The following KIAA1217 variants were observed in gnomAD, a reference collection of about 807,000 sequenced individuals.
KIAA1217 encodes sickle tail protein homolog.
Under a neutral mutation model 163.9 loss-of-function variants are expected in KIAA1217, and 88 were observed. The ratio of observed to expected loss-of-function variants is 0.54; its 90% CI spans 0.45 to 0.64. The LOEUF is 0.64. Among genes scored for constraint, KIAA1217 ranks in the 30% least tolerant of loss-of-function variants. KIAA1217 has a pLI of 0.00. For missense variants in KIAA1217, 2,372 were observed against 2,475.0 expected (o/e 0.96, Z 0.88); for synonymous variants, 903 against 923.1 (o/e 0.98, Z 0.39).
At chr10:24,536,661 T>C in intron 16 of KIAA1217, 113 bp from the exon 17 acceptor site, 1 of 1,106,100 alleles carries the variant, frequency 9.0e-7, no homozygotes, top group Non-Finnish European at 1.3e-6. Flanking sequence ...GGCCTAAACC[T>C]GCGTGCAGGA....
chr10:23,756,348 A>T (rs1051947559), intron 1 of KIAA1217, among the ~76,000 whole-genome samples: 1 of 152,192 alleles, frequency 6.6e-6, no homozygotes, highest in Admixed American at 6.5e-5. Context: ...TTAATATTTT[A>T]AAAAACAACA....
In KIAA1217 at chr10:24,546,029, C is replaced by A. The variant is rs2075698316; in HGVS notation, c.5537C>A (p.Pro1846Gln). 1 of 1,614,086 alleles carries A rather than the reference C, an allele frequency of 6.2e-7. No individual in the cohort carries two copies. Among genetic ancestry groups the A allele is most frequent in the South Asian group, 1.1e-5 (1 of 91,082 alleles). ...ASNPLSPQTG[P>Q]PAHSASLIPS... ...AACCCTCTCAGCCCCCAAACAGGAC[C>A]ACCTGCTCACTCTGCCTCCCTCATC... Residue 1846 changes from proline to glutamine, a missense_variant, in exon 21 of 21, where the codon CCA (proline) becomes CAA (glutamine). Transcript: ENST00000376454.
At chr10:24,256,810 T>G (rs533527938) in intron 2 of KIAA1217, among the ~76,000 whole-genome samples, 2 of 152,212 alleles carry the variant, frequency 1.3e-5, no homozygotes, top group South Asian at 4.1e-4. Flanking sequence ...TGTGTTGAGG[T>G]GATATTGAGC....
At chr10:23,850,387 A>T (rs1839251659) in intron 1 of KIAA1217, among the ~76,000 whole-genome samples, 1 of 152,104 alleles carries the variant, frequency 6.6e-6, no homozygotes, top group South Asian at 2.1e-4. Flanking sequence ...TTTCCTCCCA[A>T]CACTATTTTA....
At chr10:24,188,489 A>T (rs2066548242) in intron 2 of KIAA1217, among the ~76,000 whole-genome samples, 2 of 152,218 alleles carry the variant, frequency 1.3e-5, no homozygotes, top group South Asian at 4.1e-4. Context: ...CCTGTGGCAC[A>T]GTATGAGGTA....
At chr10:24,261,237 ACT>A (rs2075693418) in intron 2 of KIAA1217, among the ~76,000 whole-genome samples, 1 of 151,800 alleles carries the variant, frequency 6.6e-6, no homozygotes, top group African/African-American at 2.4e-5. Context: ...GTGGCTCATG[ACT>A]CTAATTACAG....
chr10:23,841,580 T>A (rs944910232), intron 1 of KIAA1217, among the ~76,000 whole-genome samples: 5 of 150,828 alleles, frequency 3.3e-5, no homozygotes, highest in African/African-American at 1.2e-4. Flanking sequence ...TATTAATTCT[T>A]TTTTTTTTCA....
intron 16 of KIAA1217, among the ~76,000 whole-genome samples, chr10:24,536,394 AAAAG>A (rs1437570873): frequency 1.3e-5 from 2 of 152,200 alleles, no homozygotes; most frequent in Non-Finnish European, 2.9e-5. Flanking sequence ...AACTCATAAA[AAAAG>A]AGGAATAAAA....
chr10:24,167,984 TC>T (rs1460453819), intron 2 of KIAA1217, among the ~76,000 whole-genome samples: 1 of 152,126 alleles, frequency 6.6e-6, no homozygotes, highest in Non-Finnish European at 1.5e-5. Context: ...AGCAGAGCCC[TC>T]ACGAAAACAT....
intron 1 of KIAA1217, among the ~76,000 whole-genome samples, chr10:23,913,327 T>C (rs1842511844): frequency 6.6e-6 from 1 of 152,002 alleles, no homozygotes; most frequent in African/African-American, 2.4e-5. Flanking sequence ...TGAGTTTATA[T>C]TGGCAATAAA....
At chr10:24,287,110 G>A (rs992041564) in intron 2 of KIAA1217, among the ~76,000 whole-genome samples, 3 of 152,118 alleles carry the variant, frequency 2.0e-5, no homozygotes, top group Non-Finnish European at 4.4e-5. Context: ...AGTGCAGTTG[G>A]TGTGATCTCG....
At chr10:23,980,127 C>G (rs115251566) in intron 1 of KIAA1217, among the ~76,000 whole-genome samples, 1 of 152,054 alleles carries the variant, frequency 6.6e-6, no homozygotes, top group Non-Finnish European at 1.5e-5. Flanking sequence ...TGATCCTTTC[C>G]TCCTGCTGTT....
intron 17 of KIAA1217, among the ~76,000 whole-genome samples, chr10:24,538,450 G>A (rs1421605473): frequency 6.6e-6 from 1 of 151,468 alleles, no homozygotes; most frequent in Non-Finnish European, 1.5e-5. Flanking sequence ...GGCCAAGACG[G>A]AAGAATCACT....
intron 5 of KIAA1217, among the ~76,000 whole-genome samples, chr10:24,471,886 CAA>C (rs749624402): frequency 2.1e-3 from 97 of 46,914 alleles, no homozygotes; most frequent in Non-Finnish European, 2.5e-3. Context: ...GACTCCATCT[CAA>C]AAAAAAAAAA....
At chr10:23,704,671 G>A (rs1359700517) in intron 1 of KIAA1217, among the ~76,000 whole-genome samples, 1 of 152,028 alleles carries the variant, frequency 6.6e-6, no homozygotes, top group Non-Finnish European at 1.5e-5. Flanking sequence ...AAAGTTCATT[G>A]TATGGATATA....
intron 2 of KIAA1217, among the ~76,000 whole-genome samples, chr10:24,291,814 A>G (rs2079116914): frequency 1.3e-5 from 2 of 152,202 alleles, no homozygotes; most frequent in Admixed American, 1.3e-4. Context: ...TTTTTAGATC[A>G]ATAGCTATTA....
chr10:24,264,079 G>A (rs1590343501), intron 2 of KIAA1217, among the ~76,000 whole-genome samples: 3 of 151,916 alleles, frequency 2.0e-5, no homozygotes, highest in East Asian at 1.9e-4. Context: ...GGCTGGTATC[G>A]AATTCCTGTC....
chr10:23,980,238 G>C (rs1377114730), intron 1 of KIAA1217, among the ~76,000 whole-genome samples: 1 of 152,290 alleles, frequency 6.6e-6, no homozygotes, highest in Non-Finnish European at 1.5e-5. Flanking sequence ...GCTTGACTGA[G>C]CTCATGGTGG....
chr10:24,465,787 G>A (rs566656143), intron 5 of KIAA1217, among the ~76,000 whole-genome samples: 40 of 152,180 alleles, frequency 2.6e-4, no homozygotes, highest in Non-Finnish European at 5.3e-4. Context: ...GATACCAGCT[G>A]TGCTGACAGC....
Sources: allele counts gnomAD v4.1 joint callset (sites outside exome capture counted in the v4.1 genomes callset), GRCh38; gene constraint gnomAD v4.1.1; transcripts MANE v1.5; gene names NCBI Gene and HGNC (gene_info 2026-07-23, HGNC 2026-07-21).